MGAT4C: variants seen among roughly 807,000 people sequenced by gnomAD.
MGAT4C encodes the protein MGAT4 family member C.
MGAT4C carries 19 observed loss-of-function variants against 40.1 expected under a neutral mutation model. The ratio of observed to expected loss-of-function variants is 0.47; its 90% CI spans 0.33 to 0.70. The LOEUF (loss-of-function observed/expected upper bound fraction) is 0.70, where lower values mean the gene tolerates loss of function less well. Ranked by LOEUF, MGAT4C falls within the 30% of genes least tolerant of loss-of-function variation. The pLI is 0.02. For synonymous variants in MGAT4C, 181 were observed against 187.1 expected, an observed-to-expected ratio of 0.97 and a Z score of 0.27; for missense variants, 491 against 563.2, an observed-to-expected ratio of 0.87 and a Z score of 1.30.
chr12:86,582,094 A>G (rs1206874112), intron 2 of MGAT4C, among the ~76,000 whole-genome samples: 1 of 151,428 alleles, frequency 6.6e-6, no homozygotes, highest in African/African-American at 2.4e-5. Context: ...GTAAAAGAGT[A>G]TAAATGCATT....
chr12:86,207,470 G>T (rs1371219950), intron 1 of MGAT4C, among the ~76,000 whole-genome samples: 1 of 151,922 alleles, frequency 6.6e-6, no homozygotes, highest in Non-Finnish European at 1.5e-5. Flanking sequence ...GGCCTTGTGT[G>T]TGATGTTCTC....
chr12:86,410,748 C>T (rs1252988806), intron 3 of MGAT4C, among the ~76,000 whole-genome samples: 2 of 152,080 alleles, frequency 1.3e-5, no homozygotes, highest in Admixed American at 6.6e-5. Context: ...GAAATCTTCA[C>T]AATTTATGTT....
At chr12:86,056,899 C>A (rs1893456593) in intron 1 of MGAT4C, among the ~76,000 whole-genome samples, 1 of 151,934 alleles carries the variant, frequency 6.6e-6, no homozygotes, top group South Asian at 2.1e-4. Context: ...TCTGTTGTTT[C>A]CTAACTTTTT....
chr12:86,607,764 G>A (rs1233184554), intron 2 of MGAT4C, among the ~76,000 whole-genome samples: 1 of 152,096 alleles, frequency 6.6e-6, no homozygotes, highest in African/African-American at 2.4e-5. Context: ...CACTTTCTTT[G>A]AATGCTCCTT....
chr12:86,386,470 A>T (rs998109960), intron 3 of MGAT4C, among the ~76,000 whole-genome samples: 2 of 152,166 alleles, frequency 1.3e-5, no homozygotes, highest in African/African-American at 4.8e-5. Context: ...CCCTTGTCTT[A>T]TATGGAGAAG....
rs1026102935 is a variant in MGAT4C at position 85,974,109 on chromosome 12, A to G, written c.*5180T>C. ...GATCTTTTAATGTTAAAGAATTCAA[A>G]TAAAAACCATAAACCTGAAACTCTA... On this transcript the variant is annotated 3_prime_UTR_variant, in exon 5 of 5. Transcript: ENST00000611864. 6.6e-6 allele frequency: 1 copy of G among 150,950 alleles called. No homozygotes were observed. Among genetic ancestry groups the G allele is most frequent in the African/African-American group, 2.4e-5 (1 of 41,338 alleles). 9.4% of individuals were successfully genotyped at this position (150,950 alleles called of 1,614,324 possible).
At chr12:86,823,611 A>G (rs1359113511) in intron 1 of MGAT4C, among the ~76,000 whole-genome samples, 1 of 151,342 alleles carries the variant, frequency 6.6e-6, no homozygotes, top group African/African-American at 2.4e-5. Flanking sequence ...AACTATCAAA[A>G]AAAGATATCC....
chr12:86,732,080 C>A (rs1026358949), intron 1 of MGAT4C, among the ~76,000 whole-genome samples: 2 of 152,120 alleles, frequency 1.3e-5, no homozygotes. Flanking sequence ...TCTCTCTATA[C>A]CTTGTGCTTT....
At chr12:86,678,201 C>T (rs891637329) in intron 2 of MGAT4C, among the ~76,000 whole-genome samples, 1 of 152,044 alleles carries the variant, frequency 6.6e-6, no homozygotes, top group African/African-American at 2.4e-5. Flanking sequence ...AAACAATAAA[C>T]AAGCTGTTCC....
intron 1 of MGAT4C, among the ~76,000 whole-genome samples, chr12:86,053,416 C>T (rs1471173713): frequency 1.3e-5 from 2 of 151,800 alleles, no homozygotes; most frequent in South Asian, 4.1e-4. Flanking sequence ...TGAGTATCCC[C>T]TGGGCAGTAT....
chr12:86,074,494 A>C (rs1437478097), intron 1 of MGAT4C, among the ~76,000 whole-genome samples: 1 of 152,180 alleles, frequency 6.6e-6, no homozygotes, highest in Non-Finnish European at 1.5e-5. Flanking sequence ...TTTTTATAGA[A>C]GTGAGTGCAA....
chr12:86,763,704 A>G (rs1004987701), intron 1 of MGAT4C, among the ~76,000 whole-genome samples: 4 of 152,060 alleles, frequency 2.6e-5, no homozygotes, highest in African/African-American at 9.7e-5. Flanking sequence ...ACACAACTGA[A>G]CTCAATAACA....
intron 2 of MGAT4C, among the ~76,000 whole-genome samples, chr12:86,442,588 T>C (rs577852625): frequency 6.6e-6 from 1 of 152,246 alleles, no homozygotes; most frequent in African/African-American, 2.4e-5. Context: ...CCAGCACCAT[T>C]TATTAAATAG....
At chr12:86,115,584 T>C (rs546649644) in intron 1 of MGAT4C, among the ~76,000 whole-genome samples, 67 of 152,188 alleles carry the variant, frequency 4.4e-4, no homozygotes, top group African/African-American at 1.6e-3. Flanking sequence ...TGTTAATTAA[T>C]CTAGGTCACT....
At chr12:86,722,970 G>A (rs1268196450) in intron 2 of MGAT4C, among the ~76,000 whole-genome samples, 2 of 152,100 alleles carry the variant, frequency 1.3e-5, no homozygotes, top group Non-Finnish European at 2.9e-5. Flanking sequence ...CCCAGGTGTC[G>A]TCCTATTAAT....
chr12:86,218,154 A>G (rs1408098479), intron 1 of MGAT4C, among the ~76,000 whole-genome samples: 3 of 152,052 alleles, frequency 2.0e-5, no homozygotes, highest in Non-Finnish European at 4.4e-5. Context: ...TACCGAGATA[A>G]CTTTCTATGC....
At chr12:86,659,858 A>G (rs1210253569) in intron 2 of MGAT4C, among the ~76,000 whole-genome samples, 1 of 151,896 alleles carries the variant, frequency 6.6e-6, no homozygotes, top group Non-Finnish European at 1.5e-5. Flanking sequence ...GCATTCTACT[A>G]CAAAACCATC....
rs1883888975 is a variant in MGAT4C at position 85,975,286 on chromosome 12, A to G, written c.*4003T>C. The G allele has an allele frequency of 6.6e-6, 1 of 151,054 alleles. No individual in the cohort carries two copies. The highest frequency in any genetic ancestry group is 2.4e-5 in the African/African-American group (1 of 41,362). 9.4% of individuals were successfully genotyped at this position (151,054 alleles called of 1,614,324 possible). ...AATTTTATAATTGTTATTGATTACA[A>G]TGAAGGCCTCTGGTAATGTTTTCCA... On this transcript the variant is annotated 3_prime_UTR_variant, in exon 5 of 5. Transcript: ENST00000611864.
intron 2 of MGAT4C, among the ~76,000 whole-genome samples, chr12:86,513,301 T>A (rs1360232762): frequency 6.6e-6 from 1 of 152,112 alleles, no homozygotes; most frequent in Non-Finnish European, 1.5e-5. Context: ...CAATACCACA[T>A]GACTCAAATT....
Sources: gnomAD v4.1 joint callset for allele counts (sites outside exome capture counted in the v4.1 genomes callset) on GRCh38, gnomAD v4.1.1 for gene constraint, MANE v1.5 for transcripts, NCBI Gene and HGNC (gene_info 2026-07-23, HGNC 2026-07-21) for gene names.